The following FRMD3 variants were observed in gnomAD, a reference collection of about 807,000 sequenced individuals.
FRMD3 encodes FERM domain containing 3.
FRMD3 carries 33 observed loss-of-function variants against 70.2 expected under a neutral mutation model. The ratio of observed to expected loss-of-function variants is 0.47; its 90% CI spans 0.36 to 0.63. FRMD3 has a LOEUF of 0.63. Among genes scored for constraint, FRMD3 ranks in the 20% least tolerant of loss-of-function variants. FRMD3 has a pLI of 0.00. For missense variants in FRMD3, 632 were observed against 711.4 expected (o/e 0.89, Z 1.27); for synonymous variants, 279 against 255.9 (o/e 1.09, Z -0.86).
intron 6 of FRMD3, among the ~76,000 whole-genome samples, chr9:83,322,742 C>G (rs751208528): frequency 2.6e-5 from 4 of 152,158 alleles, no homozygotes; most frequent in Non-Finnish European, 5.9e-5. Context: ...TACTGTTTCT[C>G]CATGCCCAGG....
At chr9:83,572,670 A>G in the FRMD3 span, among the ~76,000 whole-genome samples, 2 of 152,176 alleles carry the variant, frequency 1.3e-5, no homozygotes, top group African/African-American at 2.4e-5. Context: ...AGTGAAAGTG[A>G]GACAGGCATG....
chr9:83,553,911 C>T, the FRMD3 span, among the ~76,000 whole-genome samples: 1 of 152,198 alleles, frequency 6.6e-6, no homozygotes, highest in Non-Finnish European at 1.5e-5. Context: ...GTATGGTCAT[C>T]TGGAGTACAT....
intron 5 of FRMD3, among the ~76,000 whole-genome samples, chr9:83,342,525 A>G (rs1428897446): frequency 6.6e-6 from 1 of 152,166 alleles, no homozygotes; most frequent in Non-Finnish European, 1.5e-5. Flanking sequence ...ACCATCCAGG[A>G]AATGGGAAGA....
At chr9:83,263,370 A>G (rs1320451547) in intron 13 of FRMD3, among the ~76,000 whole-genome samples, 1 of 152,244 alleles carries the variant, frequency 6.6e-6, no homozygotes, top group Non-Finnish European at 1.5e-5. Context: ...ACAGTCAGTC[A>G]TTACACTGTG....
At chr9:83,325,926 T>G (rs1023214278) in intron 6 of FRMD3, among the ~76,000 whole-genome samples, 2 of 152,208 alleles carry the variant, frequency 1.3e-5, no homozygotes, top group East Asian at 3.9e-4. Flanking sequence ...AAATAAAGTT[T>G]TATTGGAACA....
chr9:83,335,398 A>C, intron 6 of FRMD3, 118 bp downstream of exon 6: 4 of 1,111,076 alleles, frequency 3.6e-6, no homozygotes, highest in Non-Finnish European at 5.1e-6. Context: ...GCTGCCACGC[A>C]AAACAGCCTA....
At chr9:83,306,391 G>A (rs1332296664) in intron 10 of FRMD3, among the ~76,000 whole-genome samples, 2 of 152,046 alleles carry the variant, frequency 1.3e-5, no homozygotes, top group African/African-American at 4.8e-5. Context: ...AGACCTCCTG[G>A]TCCCTTATCA....
At chr9:83,355,850 A>AG (rs1427632600) in intron 3 of FRMD3, among the ~76,000 whole-genome samples, 1 of 152,154 alleles carries the variant, frequency 6.6e-6, no homozygotes, top group African/African-American at 2.4e-5. Flanking sequence ...GTAGCAGAGA[A>AG]GGGGGAAAAA....
intron 13 of FRMD3, chr9:83,279,647 A>T (rs1833904042): frequency 6.6e-6 from 1 of 152,180 alleles, no homozygotes; most frequent in South Asian, 2.1e-4. Flanking sequence ...TGTCCTTTGG[A>T]GGGACATGGA....
Position 83,248,420 on chromosome 9 carries a change from T to C in FRMD3, c.1292A>G (p.Glu431Gly), listed in dbSNP as rs1264728153. ...AGGTTCTTCTTTTATTTTATCTTCC[T>C]CTTCACTAGGGGGATCTTCATACTC... ...AREYEDPPSE[E>G]EDKIKEEPLT... The change falls in exon 14 of 14, where the codon GAG (glutamate) becomes GGG (glycine). Residue 431 changes from glutamate to glycine, a missense_variant. By Grantham distance (98) the Glu-to-Gly change is moderately conservative (BLOSUM62 -2). Coordinates refer to ENST00000304195, the MANE Select transcript of FRMD3 (RefSeq NM_174938.6). 2.5e-6 allele frequency: 4 copies of C among 1,614,144 alleles called. No individual in the cohort carries two copies. The East Asian group carries it at 8.9e-5, about 36-fold the overall frequency.
At chr9:83,413,031 A>G (rs558173393) in intron 1 of FRMD3, among the ~76,000 whole-genome samples, 12 of 152,210 alleles carry the variant, frequency 7.9e-5, no homozygotes, top group Non-Finnish European at 1.0e-4. Flanking sequence ...GAAAACAGAA[A>G]AGAAAGATAA....
intron 3 of FRMD3, among the ~76,000 whole-genome samples, chr9:83,366,964 C>T (rs1012580362): frequency 9.2e-5 from 14 of 152,098 alleles, no homozygotes; most frequent in African/African-American, 3.1e-4. Context: ...ACTCAGGAGG[C>T]GGAGGTTGCA....
In FRMD3 at chr9:83,467,236, C is replaced by T. The variant is rs149724802; in HGVS notation, c.147+70849G>A. ...ATCCAAACCAAAATACATTGTCTGG[C>T]CAATTTTAAATAATTACATCTTGAT... is the stretch of plus-strand genomic sequence containing the variant. On this transcript the variant is annotated intron_variant, in intron 1 of 13. Coordinates refer to ENST00000304195, the MANE Select transcript of FRMD3 (RefSeq NM_174938.6). Among the ~76,000 whole-genome samples, 4 of 152,214 alleles carry T rather than the reference C, an allele frequency of 2.6e-5. No individual in the cohort carries two copies. In the East Asian group the frequency reaches 7.7e-4, roughly 29 times the overall value.
the FRMD3 span, among the ~76,000 whole-genome samples, chr9:83,574,455 C>T: frequency 2.0e-5 from 3 of 152,134 alleles, no homozygotes; most frequent in Non-Finnish European, 4.4e-5. Context: ...AAGTTCCATT[C>T]GAGAAGAACT....
intron 4 of FRMD3, among the ~76,000 whole-genome samples, chr9:83,345,607 A>T (rs970152216): frequency 6.6e-6 from 1 of 151,906 alleles, no homozygotes; most frequent in African/African-American, 2.4e-5. Flanking sequence ...AATACAAAAA[A>T]TTAGTCGGGC....
intron 3 of FRMD3, 38 bp from the exon 4 acceptor site, chr9:83,349,795 AAAAGACCATGGCCT>A (rs753808855): frequency 2.7e-6 from 4 of 1,502,186 alleles, no homozygotes; most frequent in Non-Finnish European, 3.7e-6. Context: ...GAAAAGCAGC[AAAAGACCATGGCCT>A]CAAACACACA....
chr9:83,529,549 A>G (rs1257740396), intron 1 of FRMD3, among the ~76,000 whole-genome samples: 3 of 152,338 alleles, frequency 2.0e-5, no homozygotes, highest in African/African-American at 7.2e-5. Flanking sequence ...AAAACTATAA[A>G]ACTGTTTAAT....
chr9:83,546,275 T>C, the FRMD3 span, among the ~76,000 whole-genome samples: 16 of 152,316 alleles, frequency 1.1e-4, no homozygotes, highest in African/African-American at 3.8e-4. Context: ...GAAAATCACT[T>C]GAACCCAGGA....
intron 1 of FRMD3, among the ~76,000 whole-genome samples, chr9:83,427,928 G>A (rs916723752): frequency 4.6e-5 from 7 of 152,180 alleles, no homozygotes; most frequent in Admixed American, 4.6e-4. Flanking sequence ...AAACTGGACA[G>A]CGTCCTACAC....
Sources: allele counts gnomAD v4.1 joint callset (sites outside exome capture counted in the v4.1 genomes callset), GRCh38; gene constraint gnomAD v4.1.1; transcripts MANE v1.5; gene names NCBI Gene and HGNC (gene_info 2026-07-23, HGNC 2026-07-21).